CALD1: variants seen among roughly 807,000 people sequenced by gnomAD.
CALD1 encodes the protein caldesmon 1.
CALD1 carries 33 observed loss-of-function variants against 99.9 expected under a neutral mutation model. The observed-to-expected ratio is 0.33, with a 90% CI of 0.25 to 0.44. CALD1 has a LOEUF of 0.44. CALD1 is among the 20% of genes least tolerant of loss of function. The pLI is 1.00. For synonymous variants in CALD1, 310 were observed against 325.0 expected (o/e 0.95, Z 0.50); for missense variants, 861 against 962.1 (o/e 0.89, Z 1.39).
At chr7:134,805,338 A>G (rs1798094135) in intron 1 of CALD1, among the ~76,000 whole-genome samples, 1 of 152,034 alleles carries the variant, frequency 6.6e-6, no homozygotes, top group African/African-American at 2.4e-5. Context: ...ATCTTATTCT[A>G]ATTTTTGAGA....
chr7:134,887,736 C>T (rs1399687410), intron 3 of CALD1, among the ~76,000 whole-genome samples: 2 of 101,034 alleles, frequency 2.0e-5, no homozygotes, highest in East Asian at 2.1e-3. Context: ...ATGTGTTTGC[C>T]TGTGTGTGCA....
chr7:134,878,030 A>G (rs1396326605), intron 3 of CALD1, among the ~76,000 whole-genome samples: 1 of 152,174 alleles, frequency 6.6e-6, no homozygotes, highest in Non-Finnish European at 1.5e-5. Context: ...AAGACCTAGA[A>G]CATTTCCAAT....
chr7:134,830,085 A>AG (rs1385606578), intron 1 of CALD1, among the ~76,000 whole-genome samples: 1 of 152,074 alleles, frequency 6.6e-6, no homozygotes, highest in Non-Finnish European at 1.5e-5. Context: ...GGAAAAAAAA[A>AG]AGGGGCCAGG....
At position 134,949,091 on chromosome 7, in the gene CALD1, T is replaced by C. The variant is rs766771927; in HGVS notation, c.1795-1283T>C. Reference sequence around the variant, plus strand: ...ATTCTTCCAATAATTTAATAGATCATTGTGCTCCCAGTGCCTGGCACATTC... The same window carrying C: ...ATTCTTCCAATAATTTAATAGATCACTGTGCTCCCAGTGCCTGGCACATTC... On this transcript the variant is annotated intron_variant, in intron 8 of 14. Transcript: ENST00000361675. Among the ~76,000 whole-genome samples the C allele has an allele frequency of 5.3e-5, 8 of 152,206 alleles. No homozygotes were observed. In the South Asian group the frequency reaches 1.0e-3, roughly 20 times the overall value.
intron 1 of CALD1, among the ~76,000 whole-genome samples, chr7:134,836,143 C>CAAAAAAAAA (rs377048601): frequency 2.9e-5 from 2 of 68,576 alleles, no homozygotes; most frequent in Non-Finnish European, 5.8e-5. Flanking sequence ...GACTTCATCT[C>CAAAAAAAAA]AAAAAAAAAA....
chr7:134,932,119 T>C (rs533626189), intron 4 of CALD1, among the ~76,000 whole-genome samples: 1 of 152,300 alleles, frequency 6.6e-6, no homozygotes, highest in African/African-American at 2.4e-5. Context: ...GTTGGACACT[T>C]CTGTTTACAT....
At chr7:134,866,573 A>T (rs11981590) in intron 2 of CALD1, among the ~76,000 whole-genome samples, 10,605 of 152,198 alleles carry the variant, frequency 0.07, 440 homozygotes, top group South Asian at 0.19. Flanking sequence ...AAGGTTTCTG[A>T]ACTTGGCTTC....
intron 13 of CALD1, 67 bp from the exon 14 acceptor site, chr7:134,965,239 T>C (rs1046907293): frequency 2.5e-6 from 2 of 804,380 alleles, no homozygotes; most frequent in Admixed American, 1.7e-5. Context: ...ATGTGGCCAT[T>C]TATTTAGAGC....
At chr7:134,758,860 G>A (rs969992967) in intron 1 of CALD1, among the ~76,000 whole-genome samples, 2 of 152,082 alleles carry the variant, frequency 1.3e-5, no homozygotes, top group African/African-American at 4.8e-5. Flanking sequence ...GCAGACACCT[G>A]TCACTCAGCT....
Position 134,935,722 on chromosome 7 carries a change from G to A in CALD1, c.1343G>A (p.Arg448Lys). 1 of 1,604,448 alleles carries A rather than the reference G, an allele frequency of 6.2e-7. No individual in the cohort carries two copies. The highest frequency in any genetic ancestry group is 1.1e-5 in the South Asian group (1 of 88,536). ...AAGGGAACTAAAGTGCAAGCTAAAAGAGAAAAGCTCCAAGAAGACAAGCCT... is the reference window on the plus strand; with the variant it reads ...AAGGGAACTAAAGTGCAAGCTAAAAAAGAAAAGCTCCAAGAAGACAAGCCT... ...EEKGTKVQAK[R>K]EKLQEDKPTF... The change falls in exon 6 of 15, where the codon AGA becomes AAA. Residue 448 changes from arginine (R) to lysine (K), a missense_variant. Arg to Lys is a conservative substitution (Grantham distance 26). Transcript: ENST00000361675.
chr7:134,936,161 T>C (rs1805957587), intron 6 of CALD1, among the ~76,000 whole-genome samples: 1 of 152,204 alleles, frequency 6.6e-6, no homozygotes. Context: ...AATCATGAAA[T>C]ATTTCCAACT....
Position 134,791,407 on chromosome 7 carries a change from AG to A in CALD1, c.-130+11660del, listed in dbSNP as rs1451549825. 8.5e-5 allele frequency among the ~76,000 whole-genome samples: 13 copies of A among 152,312 alleles called. No individual in the cohort carries two copies. The South Asian group carries it at 2.7e-3, about 32-fold the overall frequency. On this transcript the variant is annotated intron_variant, in intron 1 of 14. Transcript: ENST00000361675. ...GAGACGGGGTTTCACTATGTTGGCC[AG>A]GCTGGTCTCGAACTCCTGACCTCAA...
At chr7:134,770,311 C>A (rs967979202) in intron 1 of CALD1, among the ~76,000 whole-genome samples, 1 of 152,174 alleles carries the variant, frequency 6.6e-6, no homozygotes, top group Non-Finnish European at 1.5e-5. Flanking sequence ...GGATTCGTTT[C>A]CTGTGCTGCT....
chr7:134,798,499 T>C (rs377454360), intron 1 of CALD1, among the ~76,000 whole-genome samples: 1 of 152,240 alleles, frequency 6.6e-6, no homozygotes, highest in Non-Finnish European at 1.5e-5. Context: ...GTTGAATTGC[T>C]GAAACTCTGT....
chr7:134,931,447 G>C (rs1418687675), intron 4 of CALD1, among the ~76,000 whole-genome samples: 2 of 152,114 alleles, frequency 1.3e-5, no homozygotes, highest in African/African-American at 4.8e-5. Flanking sequence ...ATTTCATGGA[G>C]GCAATATCCT....
At chr7:134,790,993 G>A (rs1447523236) in intron 1 of CALD1, among the ~76,000 whole-genome samples, 1 of 149,008 alleles carries the variant, frequency 6.7e-6, no homozygotes, top group African/African-American at 2.5e-5. Flanking sequence ...AGAAAGTCAA[G>A]GACTGTATTT....
intron 7 of CALD1, among the ~76,000 whole-genome samples, chr7:134,946,066 G>C (rs768783254): frequency 6.6e-6 from 1 of 152,080 alleles, no homozygotes; most frequent in Non-Finnish European, 1.5e-5. Flanking sequence ...AGTAACTTAC[G>C]GGAAAGGACT....
At chr7:134,713,773 G>C in the CALD1 span, among the ~76,000 whole-genome samples, 1 of 152,234 alleles carries the variant, frequency 6.6e-6, no homozygotes, top group East Asian at 1.9e-4. Context: ...CTTAGAAAAT[G>C]CACGCCCAAA....
chr7:134,906,180 T>G (rs543268067), intron 3 of CALD1, among the ~76,000 whole-genome samples: 1 of 152,190 alleles, frequency 6.6e-6, no homozygotes, highest in East Asian at 1.9e-4. Flanking sequence ...TCCACCCACC[T>G]GAGACTCCCA....
Sources: allele counts gnomAD v4.1 joint callset (sites outside exome capture counted in the v4.1 genomes callset), GRCh38; gene constraint gnomAD v4.1.1; transcripts MANE v1.5; gene names NCBI Gene and HGNC (gene_info 2026-07-23, HGNC 2026-07-21).